Variants in MIDEAS observed in about 807,000 individuals in gnomAD.
MIDEAS encodes mitotic deacetylase associated SANT domain protein.
MIDEAS carries 26 observed loss-of-function variants against 102.7 expected under a neutral mutation model. The observed-to-expected ratio is 0.25, with a 90% CI of 0.19 to 0.35. MIDEAS has a LOEUF of 0.35. Among genes scored for constraint, MIDEAS ranks in the 10% least tolerant of loss-of-function variants. The pLI is 1.00. For missense variants in MIDEAS, 1,231 were observed against 1,435.6 expected (o/e 0.86, Z 2.30); for synonymous variants, 585 against 591.0 (o/e 0.99, Z 0.15).
At chr14:73,788,111 G>A (rs568268289), upstream of MIDEAS, among the ~76,000 whole-genome samples, 2 of 150,340 alleles carry the variant, frequency 1.3e-5, no homozygotes, top group African/African-American at 4.9e-5. Flanking sequence ...AAGAACTCCT[G>A]ATCTCATAAG....
intron 1 of MIDEAS, among the ~76,000 whole-genome samples, chr14:73,741,835 C>G (rs184122596): frequency 7.2e-5 from 11 of 152,134 alleles, no homozygotes; most frequent in Admixed American, 4.6e-4. Flanking sequence ...AGACCCTCCT[C>G]GTGTGCAGCC....
intron 3 of MIDEAS, among the ~76,000 whole-genome samples, chr14:73,733,709 G>A: frequency 6.6e-6 from 1 of 152,058 alleles, no homozygotes; most frequent in East Asian, 1.9e-4. Context: ...TTCTGTTTTT[G>A]TTTGAGACGA....
At chr14:73,769,342 C>T (rs1400869003) in intron 1 of MIDEAS, among the ~76,000 whole-genome samples, 2 of 152,160 alleles carry the variant, frequency 1.3e-5, no homozygotes. Context: ...AGGACATGAG[C>T]AGGGTTTGAC....
intron 3 of MIDEAS, among the ~76,000 whole-genome samples, chr14:73,731,377 G>C (rs2053137005): frequency 6.6e-6 from 1 of 152,094 alleles, no homozygotes; most frequent in South Asian, 2.1e-4. Context: ...CTCTGGCCAT[G>C]TCCTTCACCC....
At chr14:73,750,077 C>A (rs2053402549) in intron 1 of MIDEAS, among the ~76,000 whole-genome samples, 1 of 152,156 alleles carries the variant, frequency 6.6e-6, no homozygotes, top group Admixed American at 6.5e-5. Flanking sequence ...TACAAAATAT[C>A]CAAAAGACAG....
intron 1 of MIDEAS, among the ~76,000 whole-genome samples, chr14:73,753,874 G>GA (rs397828595): frequency 4.6e-5 from 7 of 152,156 alleles, no homozygotes; most frequent in African/African-American, 1.7e-4. Context: ...GATACAGGGG[G>GA]ATGAGGGTAT....
chr14:73,718,694 C>T lies in MIDEAS; in HGVS notation c.*149G>A. The T allele has an allele frequency of 3.9e-6, 3 of 777,442 alleles. No homozygotes were observed. The South Asian group carries it at 1.0e-4, about 27-fold the overall frequency. 48.2% of individuals were successfully genotyped at this position (777,442 alleles called of 1,614,324 possible). A position where few individuals can be genotyped will look rare whatever the true frequency, so the allele number is the denominator to read the frequency against. On this transcript the variant is annotated 3_prime_UTR_variant, in exon 13 of 13. Coordinates refer to ENST00000423556, the MANE Select transcript of MIDEAS (RefSeq NM_001367710.1). ...CCCAGGGCCTTCATAAATAAAAGAG[C>T]CGTTTATGTCATTGTCTCATTTGTT...
intron 1 of MIDEAS, among the ~76,000 whole-genome samples, chr14:73,782,008 G>GATC (rs1225777344): frequency 2.0e-5 from 3 of 152,134 alleles, no homozygotes; most frequent in African/African-American, 7.2e-5. Flanking sequence ...AGTGAGCCAA[G>GATC]ATCACACCAC....
intron 11 of MIDEAS, among the ~76,000 whole-genome samples, chr14:73,720,611 C>T (rs2052976458): frequency 6.6e-6 from 1 of 152,182 alleles, no homozygotes; most frequent in Non-Finnish European, 1.5e-5. Context: ...AACCCCTTCC[C>T]CTCCTTACCC....
At chr14:73,731,438 G>T (rs758731898) in intron 3 of MIDEAS, among the ~76,000 whole-genome samples, 1 of 151,004 alleles carries the variant, frequency 6.6e-6, no homozygotes, top group African/African-American at 2.4e-5. Context: ...GAAACTGTTC[G>T]TTCTTCTTCC....
At chr14:73,730,496 G>A (rs984581967) in intron 3 of MIDEAS, among the ~76,000 whole-genome samples, 55 of 152,152 alleles carry the variant, frequency 3.6e-4, no homozygotes, top group African/African-American at 1.2e-3. Flanking sequence ...CCTAGTAAGT[G>A]CCTACTTCAT....
At chr14:73,719,222 T>TGGGG in intron 12 of MIDEAS, 83 bp downstream of exon 12, 2 of 1,497,110 alleles carry the variant, frequency 1.3e-6, no homozygotes, top group Non-Finnish European at 8.9e-7. Context: ...CTGTACCTCT[T>TGGGG]CCCCCTCCCC....
intron 11 of MIDEAS, 47 bp from the exon 12 acceptor site, chr14:73,719,548 G>A: frequency 6.3e-7 from 1 of 1,578,528 alleles, no homozygotes; most frequent in South Asian, 1.1e-5. Context: ...AGCAAGCGCA[G>A]ATCTGGAATT....
chr14:73,721,678 A>AT (rs2052996861), intron 10 of MIDEAS, 169 bp from the exon 11 acceptor site: 2 of 616,094 alleles, frequency 3.2e-6, no homozygotes, highest in Admixed American at 2.9e-5. Flanking sequence ...ATGGCATAGT[A>AT]GCCATGGGGA....
intron 1 of MIDEAS, among the ~76,000 whole-genome samples, chr14:73,751,343 C>T (rs2053416082): frequency 6.6e-6 from 1 of 152,236 alleles, no homozygotes; most frequent in African/African-American, 2.4e-5. Flanking sequence ...GGATAGACAG[C>T]AGCAGCCTCT....
intron 9 of MIDEAS, chr14:73,723,073 G>T: frequency 2.3e-6 from 1 of 435,462 alleles, no homozygotes; most frequent in Non-Finnish European, 4.1e-6. Context: ...AATAAAAAAA[G>T]CTATAAAGGA....
chr14:73,757,171 C>G (rs1796111119), intron 1 of MIDEAS, among the ~76,000 whole-genome samples: 2 of 148,254 alleles, frequency 1.3e-5, no homozygotes, highest in South Asian at 4.3e-4. Flanking sequence ...ACTTGGGAGG[C>G]TGAGGTGGGA....
chr14:73,756,312 G>GTGCACA (rs1566601800), intron 1 of MIDEAS, among the ~76,000 whole-genome samples: 28 of 151,862 alleles, frequency 1.8e-4, no homozygotes, highest in African/African-American at 6.8e-4. Flanking sequence ...GCGCGTGCGC[G>GTGCACA]CTGAGGTGGA....
In MIDEAS at chr14:73,775,027, T is replaced by A. The variant is rs1033224651; in HGVS notation, c.-248+12075A>T. ...ATGGTGGCAACTCAGGAAGGCAGCATGGAGCAGGTGACTCCTGGCTGGCCC... is the reference window on the plus strand; with the variant it reads ...ATGGTGGCAACTCAGGAAGGCAGCAAGGAGCAGGTGACTCCTGGCTGGCCC... On this transcript the variant is annotated intron_variant, in intron 1 of 11. Transcript: ENST00000394071. Among the ~76,000 whole-genome samples, 16 of 152,112 alleles carry A rather than the reference T, an allele frequency of 1.1e-4. 1 individual carries two copies. The highest frequency in any genetic ancestry group is 4.2e-4 in the South Asian group (2 of 4,806).
Sources: gnomAD v4.1 joint callset for allele counts (sites outside exome capture counted in the v4.1 genomes callset) on GRCh38, gnomAD v4.1.1 for gene constraint, MANE v1.5 for transcripts, NCBI Gene and HGNC (gene_info 2026-07-23, HGNC 2026-07-21) for gene names.